GNL3L: variants seen among roughly 807,000 people sequenced by gnomAD.
GNL3L encodes guanine nucleotide-binding protein-like 3-like protein.
Under a neutral mutation model 42.9 loss-of-function variants are expected in GNL3L, and 4 were observed. The observed-to-expected ratio is 0.09, with a 90% CI of 0.05 to 0.21. The LOEUF (loss-of-function observed/expected upper bound fraction) is 0.21. Ranked by LOEUF, GNL3L falls within the 10% of genes least tolerant of loss-of-function variation. The pLI, the probability that GNL3L is intolerant of heterozygous loss-of-function variation, is 1.00. For missense variants in GNL3L, 412 were observed against 481.7 expected (o/e 0.86, Z 1.36); for synonymous variants, 159 against 176.3 (o/e 0.90, Z 0.78).
downstream of GNL3L, among the ~76,000 whole-genome samples, chrX:54,568,553 C>CT (rs759337787): frequency 6.9e-3 from 691 of 99,946 alleles, 4 homozygotes; most frequent in Non-Finnish European, 0.01. Context: ...TATGTAGTAT[C>CT]TTTTTTTTTT....
intron 16 of GNL3L, among the ~76,000 whole-genome samples, chrX:54,587,743 C>T (rs999726300): frequency 3.7e-5 from 4 of 108,843 alleles, no homozygotes; most frequent in African/African-American, 1.0e-4. Flanking sequence ...TGCAGTGGCA[C>T]GATCTCAGCT....
intron 16 of GNL3L, among the ~76,000 whole-genome samples, chrX:54,573,331 G>A (rs1341526100): frequency 1.8e-5 from 2 of 113,048 alleles, no homozygotes; most frequent in Non-Finnish European, 3.8e-5. Flanking sequence ...ATCACTCGCG[G>A]TTAGGAGCTG....
chrX:54,539,551 G>T, intron 3 of GNL3L, among the ~76,000 whole-genome samples: 1 of 110,732 alleles, frequency 9.0e-6, no homozygotes, highest in Non-Finnish European at 1.9e-5. Flanking sequence ...GGCCAGAGAA[G>T]GCTTGGGTTC....
chrX:54,561,441 G>A lies in GNL3L; in HGVS notation c.*839G>A, dbSNP rs1000110661. Among the ~76,000 whole-genome samples the A allele has an allele frequency of 1.8e-5, 2 of 112,382 alleles. No homozygotes were observed. Among genetic ancestry groups the A allele is most frequent in the African/African-American group, 6.5e-5 (2 of 30,932 alleles). ...AAAAGTAGAAAGTAATGAGCCTCCTGTGTCTCTGGAAGGTTCTAGGGATAG... is the reference window on the plus strand; with the variant it reads ...AAAAGTAGAAAGTAATGAGCCTCCTATGTCTCTGGAAGGTTCTAGGGATAG... On this transcript the variant is annotated 3_prime_UTR_variant, in exon 16 of 16. Coordinates refer to ENST00000360845, the MANE Select transcript of GNL3L (RefSeq NM_001184819.2).
At chrX:54,595,856 C>T (rs1460109678) in intron 16 of GNL3L, among the ~76,000 whole-genome samples, 3 of 112,297 alleles carry the variant, frequency 2.7e-5, no homozygotes, top group Non-Finnish European at 5.6e-5. Flanking sequence ...GATTTTTCAA[C>T]TCTAGAATTT....
At chrX:54,589,640 TATAG>T (rs1214995017) in intron 16 of GNL3L, among the ~76,000 whole-genome samples, 1 of 112,030 alleles carries the variant, frequency 8.9e-6, no homozygotes, top group Non-Finnish European at 1.9e-5. Flanking sequence ...CATTCATCTG[TATAG>T]ATACTTAGGT....
intron 14 of GNL3L, among the ~76,000 whole-genome samples, chrX:54,556,636 T>TG (rs1386020444): frequency 4.3e-4 from 48 of 110,549 alleles, no homozygotes; most frequent in African/African-American, 1.5e-3. Context: ...CTCCTTGGCC[T>TG]CCCAAAGTGT....
chrX:54,591,611 T>A (rs1925872960), intron 16 of GNL3L, among the ~76,000 whole-genome samples: 1 of 105,629 alleles, frequency 9.5e-6, no homozygotes. Flanking sequence ...AAAAAAAAAA[T>A]TGAGTTCACT....
At position 54,540,201 on chromosome X, in the gene GNL3L, A is replaced by G. The variant is rs149689647; in HGVS notation, c.148A>G (p.Asn50Asp). The G allele has an allele frequency of 7.6e-5, 92 of 1,204,470 alleles. No homozygotes were observed. The African/African-American group carries it at 1.6e-3, about 21-fold the overall frequency. ...VPSAPHFVHPNDHANREAELK... is the reference protein window; with the variant it reads ...VPSAPHFVHPDDHANREAELK... ...CTCTGCACCTCATTTTGTTCACCCC[A>G]ATGATCATGCCAATCGAGAGGCTGA... Residue 50 changes from asparagine to aspartate, a missense_variant, in exon 4 of 16, where the codon AAT (asparagine) becomes GAT (aspartate). Asn to Asp is a conservative substitution (Grantham distance 23, BLOSUM62 1). Transcript: ENST00000360845.
At chrX:54,605,426 A>T (rs1926048072) in intron 16 of GNL3L, among the ~76,000 whole-genome samples, 1 of 111,090 alleles carries the variant, frequency 9.0e-6, no homozygotes. Context: ...CCTAGATCCG[A>T]ATTTCACTCC....
chrX:54,634,502 C>T, the GNL3L span, among the ~76,000 whole-genome samples: 8 of 109,342 alleles, frequency 7.3e-5, no homozygotes, highest in Non-Finnish European at 1.3e-4. Context: ...TTTTTTGAGA[C>T]GGAGTCTTGC....
At position 54,541,415 on chromosome X, in the gene GNL3L, G is replaced by T. The variant is rs769459981; in HGVS notation, c.306+26G>T. On this transcript the variant is annotated intron_variant, in intron 5 of 15. Coordinates refer to ENST00000360845, the MANE Select transcript of GNL3L (RefSeq NM_001184819.2). ...GTAAGAGTGCAGCCCTTGCCCCTGG[G>T]TAGGTTTGCTCAAAGCATCTTTTGC... 11 of 979,515 alleles carry T rather than the reference G, an allele frequency of 1.1e-5. No homozygotes were observed. The South Asian group carries it at 1.8e-4, about 16-fold the overall frequency. 80.7% of individuals were successfully genotyped at this position (979,515 alleles called of 1,213,427 possible).
intron 4 of GNL3L, 126 bp downstream of exon 4, chrX:54,540,368 G>A: frequency 2.0e-6 from 1 of 490,199 alleles, no homozygotes; most frequent in Non-Finnish European, 3.7e-6. Context: ...GAAGCCGGGA[G>A]AGAGGGAGGT....
chrX:54,594,223 G>C (rs1925904244), intron 16 of GNL3L, among the ~76,000 whole-genome samples: 1 of 111,402 alleles, frequency 9.0e-6, no homozygotes, highest in African/African-American at 3.3e-5. Flanking sequence ...AGCTATTATT[G>C]TATTGGAGTC....
chrX:54,555,904 C>T (rs1177136428), intron 14 of GNL3L, among the ~76,000 whole-genome samples: 2 of 110,198 alleles, frequency 1.8e-5, no homozygotes, highest in Admixed American at 9.8e-5. Flanking sequence ...TGAAGATCTG[C>T]AGGGCATGAT....
chrX:54,548,157 A>T (rs1924825470), intron 8 of GNL3L, 72 bp from the exon 9 acceptor site: 1 of 871,038 alleles, frequency 1.1e-6, no homozygotes, highest in Non-Finnish European at 1.7e-6. Context: ...AGGCCCTGAA[A>T]GTTGGAAATC....
intron 16 of GNL3L, among the ~76,000 whole-genome samples, chrX:54,613,439 C>A (rs1312813500): frequency 9.0e-6 from 1 of 111,123 alleles, no homozygotes; most frequent in Non-Finnish European, 1.9e-5. Context: ...TCAGATAAAT[C>A]AGGGACTTCT....
chrX:54,610,981 T>C (rs2147534149), intron 16 of GNL3L, among the ~76,000 whole-genome samples: 1 of 111,009 alleles, frequency 9.0e-6, no homozygotes, highest in South Asian at 3.7e-4. Flanking sequence ...GTCTTGGACT[T>C]TTTTTTTGTT....
At chrX:54,582,593 A>T (rs1296153704) in intron 16 of GNL3L, among the ~76,000 whole-genome samples, 1 of 110,853 alleles carries the variant, frequency 9.0e-6, no homozygotes, top group South Asian at 3.7e-4. Context: ...TTTCTTTTTT[A>T]TTTTTTTGAG....
Sources: gnomAD v4.1 joint callset for allele counts (sites outside exome capture counted in the v4.1 genomes callset) on GRCh38, gnomAD v4.1.1 for gene constraint, MANE v1.5 for transcripts, NCBI Gene and HGNC (gene_info 2026-07-23, HGNC 2026-07-21) for gene names.